SNCAIP: variants seen among roughly 807,000 people sequenced by gnomAD.
The protein encoded by SNCAIP is synuclein alpha interacting protein.
A neutral mutation model predicts 86.7 loss-of-function variants in SNCAIP; 43 were observed. That is an observed-to-expected ratio of 0.50 (90% CI 0.39 to 0.64). SNCAIP has a LOEUF of 0.64. SNCAIP is among the 30% of genes least tolerant of loss of function. The pLI is 0.00. For missense variants in SNCAIP, 981 were observed against 1,103.1 expected (o/e 0.89, Z 1.57); for synonymous variants, 417 against 427.2 (o/e 0.98, Z 0.29).
At chr5:122,417,179 C>G (rs1039253532) in intron 3 of SNCAIP, among the ~76,000 whole-genome samples, 2 of 152,148 alleles carry the variant, frequency 1.3e-5, no homozygotes, top group African/African-American at 4.8e-5. Context: ...GCAAACTGTC[C>G]ATTATCTTCC....
At chr5:122,453,479 C>T (rs1300491436) in intron 10 of SNCAIP, among the ~76,000 whole-genome samples, 2 of 152,186 alleles carry the variant, frequency 1.3e-5, no homozygotes, top group Admixed American at 6.5e-5. Context: ...TGAAATTTCT[C>T]TGTGTTAGCA....
chr5:122,355,165 A>G (rs1226302272), intron 1 of SNCAIP, among the ~76,000 whole-genome samples: 2 of 152,374 alleles, frequency 1.3e-5, no homozygotes, highest in East Asian at 1.9e-4. Flanking sequence ...CACAGGTCAT[A>G]TAAACAAACA....
At chr5:122,447,513 G>A (rs970191366) in intron 8 of SNCAIP, among the ~76,000 whole-genome samples, 11 of 152,218 alleles carry the variant, frequency 7.2e-5, no homozygotes, top group Middle Eastern at 3.4e-3. Context: ...TTCTTTGACT[G>A]TGTCATAATT....
chr5:122,358,284 C>A (rs1761505011), intron 1 of SNCAIP, among the ~76,000 whole-genome samples: 1 of 149,388 alleles, frequency 6.7e-6, no homozygotes, highest in South Asian at 2.2e-4. Flanking sequence ...TATACATGTG[C>A]CATGTTGGTG....
Position 122,440,760 on chromosome 5 carries a change from C to G in SNCAIP, c.1422+6C>G. 6.2e-7 allele frequency: 1 copy of G among 1,613,546 alleles called. No homozygotes were observed. The highest frequency in any genetic ancestry group is 1.1e-5 in the South Asian group (1 of 91,078). ...GCTACCTTGGATGCATACAGGTACA[C>G]AGGCCCTGCTGTTTTGCAATGAGAA... On this transcript the variant is annotated splice_donor_region_variant and intron_variant, in intron 7 of 10. Transcript: ENST00000261368.
At chr5:122,402,456 G>T (rs570546126) in intron 2 of SNCAIP, among the ~76,000 whole-genome samples, 1 of 152,258 alleles carries the variant, frequency 6.6e-6, no homozygotes, top group East Asian at 1.9e-4. Flanking sequence ...AATATAAACA[G>T]GATGTTATTG....
rs1047825896 is a variant in SNCAIP at position 122,390,252 on chromosome 5, C to T, written c.-46-837C>T. ...GTTGGCGCTGCAGAAGATAACTGCA[C>T]ACCAAGGCGCTGTCAGGAGATCTAT... On this transcript the variant is annotated intron_variant, in intron 1 of 10. Transcript: ENST00000261368. Among the ~76,000 whole-genome samples, 33 of 152,302 alleles carry T rather than the reference C, an allele frequency of 2.2e-4. No homozygotes were observed. In the East Asian group the frequency reaches 2.3e-3, roughly 11 times the overall value.
intron 1 of SNCAIP, among the ~76,000 whole-genome samples, chr5:122,358,346 C>T (rs1761528422): frequency 9.8e-6 from 1 of 101,540 alleles, no homozygotes; most frequent in Non-Finnish European, 1.9e-5. Flanking sequence ...CTAATGCTAT[C>T]CCTCCCCCCT....
At chr5:122,426,471 G>A (rs1366149667) in intron 5 of SNCAIP, among the ~76,000 whole-genome samples, 5 of 152,064 alleles carry the variant, frequency 3.3e-5, no homozygotes, top group East Asian at 3.9e-4. Context: ...TATTTTTTAC[G>A]CAAACCTGAT....
intron 3 of SNCAIP, among the ~76,000 whole-genome samples, chr5:122,405,578 G>A (rs1461370405): frequency 1.3e-5 from 2 of 152,080 alleles, no homozygotes; most frequent in South Asian, 4.2e-4. Flanking sequence ...TACAGAGCTG[G>A]GATTCAAACC....
At chr5:122,352,504 C>CA (rs955469297) in intron 1 of SNCAIP, among the ~76,000 whole-genome samples, 12 of 152,166 alleles carry the variant, frequency 7.9e-5, no homozygotes, top group African/African-American at 2.9e-4. Context: ...TCCTCTGTTA[C>CA]AAGCCAAGAA....
chr5:122,431,837 T>C (rs1371171593), intron 5 of SNCAIP, 132 bp from the exon 6 acceptor site: 3 of 693,304 alleles, frequency 4.3e-6, no homozygotes, highest in African/African-American at 1.8e-5. Context: ...CTTTATATCA[T>C]AAATAAATTA....
intron 8 of SNCAIP, among the ~76,000 whole-genome samples, chr5:122,447,444 C>T (rs1466462610): frequency 6.6e-6 from 1 of 152,158 alleles, no homozygotes; most frequent in Admixed American, 6.6e-5. Flanking sequence ...AGTAGTCTTC[C>T]TTCTCCATTC....
intron 1 of SNCAIP, among the ~76,000 whole-genome samples, chr5:122,322,340 C>T (rs190763276): frequency 2.0e-5 from 3 of 152,208 alleles, no homozygotes; most frequent in African/African-American, 4.8e-5. Flanking sequence ...ATTGGTACTT[C>T]CATAAAACCA....
rs530298196 is a variant in SNCAIP at position 122,451,578 on chromosome 5, G to T, written c.2731G>T (p.Ala911Ser). ...TDAKGNPASSASKGKNKAA is the reference protein window; with the variant it reads ...TDAKGNPASSSSKGKNKAA The stretch of plus-strand genomic sequence containing the variant: ...TGCCAAGGGAAACCCTGCCAGCTCC[G>T]CTAGCAAAGGAAAGAATAAGGCAGT... The change falls in exon 10 of 11, where the codon GCT becomes TCT. Residue 911 changes from alanine to serine, a missense_variant. Physicochemically the swap from Ala to Ser is moderately conservative, Grantham distance 99. Coordinates refer to ENST00000261368, the MANE Select transcript of SNCAIP (RefSeq NM_005460.4). The T allele has an allele frequency of 9.9e-6, 16 of 1,611,604 alleles. 1 individual carries two copies. The South Asian group carries it at 1.1e-4, about 11-fold the overall frequency.
At chr5:122,379,848 A>G (rs1766279859) in intron 1 of SNCAIP, among the ~76,000 whole-genome samples, 1 of 150,938 alleles carries the variant, frequency 6.6e-6, no homozygotes, top group South Asian at 2.1e-4. Flanking sequence ...ACATTTATTG[A>G]TTTGCGTATA....
At chr5:122,377,490 CAGACAGAGAGAG>C (rs1765580924) in intron 1 of SNCAIP, among the ~76,000 whole-genome samples, 1 of 118,160 alleles carries the variant, frequency 8.5e-6, no homozygotes, top group Non-Finnish European at 1.9e-5. Context: ...GAGAGGGAGA[CAGACAGAGAGAG>C]AGAGAGAGAG....
At chr5:122,454,489 C>G (rs930990931) in intron 10 of SNCAIP, 1 of 152,622 alleles carries the variant, frequency 6.6e-6, no homozygotes, top group Non-Finnish European at 1.5e-5. Flanking sequence ...GGAATCTTGG[C>G]CAATGGTGAG....
rs77054162 is a variant in SNCAIP, at chr5:122,317,953, A to G, written c.-47+5669A>G. ...GCTGCCTTCAGTCTCTCAGCTTTCAATCCATCCTCCTCACCGCTGCCTGCT... is the reference window on the plus strand; with the variant it reads ...GCTGCCTTCAGTCTCTCAGCTTTCAGTCCATCCTCCTCACCGCTGCCTGCT... On this transcript the variant is annotated intron_variant, in intron 1 of 10. Coordinates refer to ENST00000261368, the MANE Select transcript of SNCAIP (RefSeq NM_005460.4). Among the ~76,000 whole-genome samples the G allele has an allele frequency of 7.5e-3, 1,140 of 151,968 alleles. 30 individuals carry two copies. Among genetic ancestry groups the G allele is most frequent in the Admixed American group, 0.033 (496 of 15,242 alleles).
Sources: gnomAD v4.1 joint callset for allele counts (sites outside exome capture counted in the v4.1 genomes callset) on GRCh38, gnomAD v4.1.1 for gene constraint, MANE v1.5 for transcripts, NCBI Gene and HGNC (gene_info 2026-07-23, HGNC 2026-07-21) for gene names.